PCSK5: variants seen among roughly 807,000 people sequenced by gnomAD.
PCSK5 encodes the protein prohormone convertase 5.
A neutral mutation model predicts 233.2 loss-of-function variants in PCSK5; 129 were observed. That is an observed-to-expected ratio of 0.55 (90% CI 0.48 to 0.64). PCSK5 has a LOEUF of 0.64. Among genes scored for constraint, PCSK5 ranks in the 30% least tolerant of loss-of-function variants. The probability of loss-of-function intolerance (pLI) is 0.00; values close to 1 mark genes in which losing one functional copy is unlikely to be tolerated. For synonymous variants in PCSK5, 825 were observed against 879.2 expected (o/e 0.94, Z 1.09); for missense variants, 2,076 against 2,430.1 (o/e 0.85, Z 3.06).
chr9:76,144,593 C>A (rs1333685831), intron 10 of PCSK5, among the ~76,000 whole-genome samples: 3 of 152,198 alleles, frequency 2.0e-5, no homozygotes, highest in Admixed American at 1.3e-4. Flanking sequence ...GGATGATGTC[C>A]ACCTTAAGGA....
In PCSK5 at chr9:76,227,508, T is replaced by A. The variant is rs1383516194; in HGVS notation, c.2632T>A (p.Tyr878Asn). 2 of 1,608,992 alleles carry A rather than the reference T, an allele frequency of 1.2e-6. No homozygotes were observed. The highest frequency in any genetic ancestry group is 1.7e-5 in the Admixed American group (1 of 59,866). Residue 878 changes from tyrosine to asparagine, a missense_variant, in exon 21 of 38, where the codon TAT becomes AAT. Tyr to Asn is a moderately radical substitution (Grantham distance 143, BLOSUM62 -2). This residue lies in a region of PCSK5 where 1,510 missense variants were observed against 1,538.1 expected (regional missense o/e 0.98). Coordinates refer to ENST00000674117, the MANE Select transcript of PCSK5 (RefSeq NM_001372043.1). Reference sequence around the variant, plus strand: ...AACTAGATTTTGTTCCCCAGGAGAATATGTTGATGAGCATGGCCACTGCCA... The same window carrying A: ...AACTAGATTTTGTTCCCCAGGAGAAAATGTTGATGAGCATGGCCACTGCCA... ...QMGAICKDGE[Y>N]VDEHGHCQTC...
intron 12 of PCSK5, among the ~76,000 whole-genome samples, chr9:76,160,267 T>A (rs1432785888): frequency 2.0e-5 from 3 of 152,170 alleles, no homozygotes; most frequent in African/African-American, 7.2e-5. Flanking sequence ...GCCAGAATGT[T>A]CTATCACTCA....
chr9:76,204,478 CTCTT>C (rs1825034617), intron 20 of PCSK5, among the ~76,000 whole-genome samples: 1 of 151,688 alleles, frequency 6.6e-6, no homozygotes, highest in East Asian at 1.9e-4. Flanking sequence ...TCTTCTCTCT[CTCTT>C]TCTCTCCTCT....
chr9:75,996,203 C>T (rs1195735698), intron 3 of PCSK5, among the ~76,000 whole-genome samples: 1 of 152,056 alleles, frequency 6.6e-6, no homozygotes, highest in African/African-American at 2.4e-5. Context: ...TTAGGGAATC[C>T]CAACTGAATT....
At chr9:76,067,759 G>T (rs1724800998) in intron 5 of PCSK5, among the ~76,000 whole-genome samples, 196 bp from the exon 6 acceptor site, 1 of 152,212 alleles carries the variant, frequency 6.6e-6, no homozygotes, top group South Asian at 2.1e-4. Context: ...AAATAAATAT[G>T]TCAAGAATAT....
At chr9:76,331,901 C>T (rs545539665) in intron 33 of PCSK5, among the ~76,000 whole-genome samples, 1 of 152,160 alleles carries the variant, frequency 6.6e-6, no homozygotes, top group African/African-American at 2.4e-5. Flanking sequence ...GGACTTCTGA[C>T]CTCCAGAACA....
intron 27 of PCSK5, among the ~76,000 whole-genome samples, chr9:76,300,092 T>A (rs1587848352): frequency 6.6e-6 from 1 of 152,360 alleles, no homozygotes; most frequent in East Asian, 1.9e-4. Context: ...ATCACTAGCC[T>A]GTCTCTTGAT....
intron 5 of PCSK5, among the ~76,000 whole-genome samples, chr9:76,028,644 T>C (rs1828528954): frequency 1.3e-5 from 2 of 152,138 alleles, no homozygotes; most frequent in South Asian, 4.2e-4. Context: ...GCAGTGATGT[T>C]ATCCCCAGGA....
intron 4 of PCSK5, among the ~76,000 whole-genome samples, chr9:76,024,711 G>C (rs1306966098): frequency 1.3e-5 from 2 of 152,096 alleles, no homozygotes; most frequent in Non-Finnish European, 2.9e-5. Context: ...TTCTCCTCTT[G>C]AGAAAAAAAT....
chr9:76,254,184 A>G (rs1826904467), intron 24 of PCSK5, among the ~76,000 whole-genome samples: 1 of 152,172 alleles, frequency 6.6e-6, no homozygotes, highest in South Asian at 2.1e-4. Context: ...CTGGGATCAG[A>G]GAGTGGGGAG....
At chr9:76,189,042 C>T in intron 18 of PCSK5, 52 bp from the exon 19 acceptor site, 1 of 1,569,900 alleles carries the variant, frequency 6.4e-7, no homozygotes, top group Non-Finnish European at 8.7e-7. Flanking sequence ...CCCATGACAC[C>T]ACCTCCTCTG....
intron 24 of PCSK5, among the ~76,000 whole-genome samples, chr9:76,285,672 G>A (rs1304653405): frequency 6.6e-6 from 1 of 152,148 alleles, no homozygotes; most frequent in African/African-American, 2.4e-5. Flanking sequence ...TTTGCGGAGG[G>A]TTGATTCTGC....
chr9:75,902,337 T>A (rs1434948797), intron 1 of PCSK5, among the ~76,000 whole-genome samples: 11 of 145,920 alleles, frequency 7.5e-5, no homozygotes, highest in African/African-American at 2.6e-4. Context: ...TTCTTGAATA[T>A]AAAAGGTGCC....
chr9:76,311,110 T>A (rs1303807817), intron 30 of PCSK5, among the ~76,000 whole-genome samples: 2 of 152,158 alleles, frequency 1.3e-5, no homozygotes, highest in Non-Finnish European at 2.9e-5. Flanking sequence ...GCGTGGTGGC[T>A]CACACCTGTA....
chr9:76,148,154 G>A (rs189405621), intron 10 of PCSK5, among the ~76,000 whole-genome samples: 6 of 151,388 alleles, frequency 4.0e-5, no homozygotes, highest in African/African-American at 1.5e-4. Flanking sequence ...TTGCCAAATC[G>A]GAAGACCTAT....
At chr9:76,257,561 C>T (rs534939761) in intron 24 of PCSK5, among the ~76,000 whole-genome samples, 4 of 152,316 alleles carry the variant, frequency 2.6e-5, no homozygotes, top group South Asian at 2.1e-4. Context: ...GCACCTCCCA[C>T]CAGGGAAAAT....
chr9:76,093,140 C>T (rs1442869019), intron 7 of PCSK5, among the ~76,000 whole-genome samples: 1 of 143,364 alleles, frequency 7.0e-6, no homozygotes, highest in Admixed American at 7.2e-5. Context: ...TGTCACTCAG[C>T]CTGGAGGGCA....
In PCSK5 at chr9:76,273,959, T is replaced by C. The variant is rs7863989; in HGVS notation, c.3143-18274T>C. 3.8e-3 allele frequency among the ~76,000 whole-genome samples: 572 copies of C among 151,154 alleles called. 3 individuals carry two copies. The highest frequency in any genetic ancestry group is 0.013 in the African/African-American group (534 of 41,244). On this transcript the variant is annotated intron_variant, in intron 24 of 37. Coordinates refer to ENST00000674117, the MANE Select transcript of PCSK5 (RefSeq NM_001372043.1). ...CACTGTGCCCAGCCAGATTGGTGGG[T>C]TTTGTTTTTTTTTTTCCAACAATTC...
At chr9:76,274,856 C>A (rs1827638805) in intron 24 of PCSK5, among the ~76,000 whole-genome samples, 1 of 152,166 alleles carries the variant, frequency 6.6e-6, no homozygotes, top group African/African-American at 2.4e-5. Context: ...AAGAGCATGG[C>A]TCCAGCATCT....
Sources: gnomAD v4.1 joint callset for allele counts (sites outside exome capture counted in the v4.1 genomes callset) on GRCh38, gnomAD v4.1.1 for gene constraint, gnomAD v4.1.1 regional missense constraint, MANE v1.5 for transcripts, NCBI Gene and HGNC (gene_info 2026-07-23, HGNC 2026-07-21) for gene names.